Variants in OSBP2 observed in about 807,000 individuals in gnomAD.
OSBP2 encodes the protein oxysterol binding protein 2.
Under a neutral mutation model 96.0 loss-of-function variants are expected in OSBP2, and 66 were observed. The ratio of observed to expected loss-of-function variants is 0.69; its 90% CI spans 0.56 to 0.84. The LOEUF (loss-of-function observed/expected upper bound fraction) is 0.84. Ranked by LOEUF, OSBP2 falls within the 40% of genes least tolerant of loss-of-function variation. The pLI is 0.00. For synonymous variants in OSBP2, 525 were observed against 520.9 expected (o/e 1.01, Z -0.11); for missense variants, 1,038 against 1,222.7 (o/e 0.85, Z 2.25).
At chr22:30,771,315 G>A (rs915299698) in intron 2 of OSBP2, among the ~76,000 whole-genome samples, 1 of 152,218 alleles carries the variant, frequency 6.6e-6, no homozygotes, top group Non-Finnish European at 1.5e-5. Flanking sequence ...ATAGATTGTG[G>A]AAGAGAAACT....
intron 2 of OSBP2, among the ~76,000 whole-genome samples, chr22:30,742,604 C>A (rs2089954402): frequency 6.6e-6 from 1 of 152,116 alleles, no homozygotes; most frequent in Non-Finnish European, 1.5e-5. Flanking sequence ...GCATTCACTG[C>A]CTTCTTTATT....
At chr22:30,823,099 G>T (rs2038317822) in intron 2 of OSBP2, among the ~76,000 whole-genome samples, 1 of 152,204 alleles carries the variant, frequency 6.6e-6, no homozygotes, top group African/African-American at 2.4e-5. Flanking sequence ...CTGTAGAGTC[G>T]CTGATTTGCC....
At chr22:30,694,776 G>C, upstream of OSBP2, 1 of 598,546 alleles carries the variant, frequency 1.7e-6, no homozygotes, top group Non-Finnish European at 2.1e-6. Context: ...CGGGCACGGA[G>C]CGCACGGGAC....
chr22:30,735,047 G>C (rs2089829142), intron 1 of OSBP2, among the ~76,000 whole-genome samples: 1 of 152,116 alleles, frequency 6.6e-6, no homozygotes, highest in Non-Finnish European at 1.5e-5. Flanking sequence ...AAAAAAATTA[G>C]CTGGCATGGT....
At chr22:30,880,304 G>A (rs529607209) in intron 3 of OSBP2, among the ~76,000 whole-genome samples, 6 of 152,308 alleles carry the variant, frequency 3.9e-5, no homozygotes, top group Admixed American at 1.3e-4. Context: ...TCCTCCGGCC[G>A]CCCACCTGGG....
chr22:30,720,133 T>C (rs1332710440), intron 1 of OSBP2, among the ~76,000 whole-genome samples: 7 of 152,222 alleles, frequency 4.6e-5, no homozygotes, highest in Non-Finnish European at 1.0e-4. Context: ...TCCACATGGA[T>C]GTACTTTTCA....
At chr22:30,841,903 ACC>A (rs2038760328) in intron 2 of OSBP2, among the ~76,000 whole-genome samples, 1 of 152,100 alleles carries the variant, frequency 6.6e-6, no homozygotes, top group East Asian at 1.9e-4. Flanking sequence ...TTGGGATTGA[ACC>A]ACTGCATTCT....
chr22:30,843,454 C>CT (rs561425373), intron 2 of OSBP2, among the ~76,000 whole-genome samples: 1 of 103,964 alleles, frequency 9.6e-6, no homozygotes, highest in Admixed American at 8.2e-5. Context: ...TCCCCCCTCC[C>CT]CCTTGAGCAA....
chr22:30,799,790 G>A (rs947852088), intron 2 of OSBP2, among the ~76,000 whole-genome samples: 2 of 152,208 alleles, frequency 1.3e-5, no homozygotes, highest in African/African-American at 4.8e-5. Context: ...AAGCATTACT[G>A]TGGCAAGAAT....
At position 30,734,031 on chromosome 22, in the gene OSBP2, G is replaced by T. The variant is rs181926389; in HGVS notation, c.645-7130G>T. On this transcript the variant is annotated intron_variant, in intron 1 of 13. Coordinates refer to ENST00000332585, the MANE Select transcript of OSBP2 (RefSeq NM_030758.4). ...GCTCTGTCACCCAGGCTAGAGTGCAGTGGTGTGATCTCCATTCACTGCAAC... is the reference window on the plus strand; with the variant it reads ...GCTCTGTCACCCAGGCTAGAGTGCATTGGTGTGATCTCCATTCACTGCAAC... 3.9e-3 allele frequency among the ~76,000 whole-genome samples: 587 copies of T among 152,188 alleles called. 4 individuals are homozygous for T. The highest frequency in any genetic ancestry group is 0.013 in the African/African-American group (541 of 41,514).
chr22:30,728,345 A>C (rs1185647015), intron 1 of OSBP2, among the ~76,000 whole-genome samples: 2 of 150,990 alleles, frequency 1.3e-5, no homozygotes, highest in Non-Finnish European at 2.9e-5. Flanking sequence ...CAGTGAGCCA[A>C]GATCGCGCCA....
intron 2 of OSBP2, among the ~76,000 whole-genome samples, chr22:30,824,349 G>A (rs568010505): frequency 2.0e-5 from 3 of 152,164 alleles, no homozygotes; most frequent in Admixed American, 6.5e-5. Flanking sequence ...GCCCAGCGGC[G>A]AGTGCAGCAG....
chr22:30,710,319 A>T (rs569953362), intron 1 of OSBP2, among the ~76,000 whole-genome samples: 9 of 152,266 alleles, frequency 5.9e-5, no homozygotes, highest in African/African-American at 2.2e-4. Context: ...GTTTTCAAAA[A>T]TTTTCAAAAT....
intron 12 of OSBP2, among the ~76,000 whole-genome samples, chr22:30,903,032 C>T (rs1459479056): frequency 2.6e-5 from 4 of 152,204 alleles, no homozygotes; most frequent in Non-Finnish European, 4.4e-5. Context: ...CATTTTCCTT[C>T]TGTCCTTTTC....
chr22:30,769,115 G>A (rs546276526), intron 2 of OSBP2, among the ~76,000 whole-genome samples: 35 of 152,326 alleles, frequency 2.3e-4, no homozygotes, highest in African/African-American at 7.9e-4. Context: ...TAGAAAGCTG[G>A]GCTCTGAGGG....
rs960847910 is a variant in OSBP2 at position 30,881,885 on chromosome 22, AG to A, written c.1108-5539del. 2.8e-5 allele frequency: 34 copies of A among 1,215,926 alleles called. No homozygotes were observed. The African/African-American group carries it at 4.7e-4, about 17-fold the overall frequency. The allele number at this position is 1,215,926 out of a possible 1,614,324, so 75.3% of individuals were successfully genotyped here. On this transcript the variant is annotated intron_variant, in intron 3 of 13. Transcript: ENST00000332585. The surrounding 1 kb of genome is among the most constrained non-coding windows in gnomAD (Gnocchi z 4.5). Reference sequence around the variant, plus strand: ...GGCAGCTCATGTGCTGTGGGGGTAAAGGTCTTGGGTGCAGCCACATGAGGCC... The same window carrying A: ...GGCAGCTCATGTGCTGTGGGGGTAAAGTCTTGGGTGCAGCCACATGAGGCC...
chr22:30,745,807 A>G lies in OSBP2; in HGVS notation c.853+4438A>G, dbSNP rs1307151279. Among the ~76,000 whole-genome samples the G allele has an allele frequency of 3.3e-5, 5 of 152,160 alleles. No homozygotes were observed. In the East Asian group the frequency reaches 9.6e-4, roughly 29 times the overall value. On this transcript the variant is annotated intron_variant, in intron 2 of 13. Coordinates refer to ENST00000332585, the MANE Select transcript of OSBP2 (RefSeq NM_030758.4). ...TTGGTAAACCTTTAGCTAGACTAAG[A>G]AAAAAAGAGAAGACTCGAATTACTG...
chr22:30,858,892 A>AATC (rs895224736), intron 2 of OSBP2, among the ~76,000 whole-genome samples: 3 of 149,346 alleles, frequency 2.0e-5, no homozygotes, highest in African/African-American at 7.5e-5. Flanking sequence ...TAATAATAAT[A>AATC]ATAATAATAA....
intron 2 of OSBP2, among the ~76,000 whole-genome samples, chr22:30,835,825 C>T (rs1215891117): frequency 6.6e-6 from 1 of 151,576 alleles, no homozygotes; most frequent in Non-Finnish European, 1.5e-5. Flanking sequence ...TCAAGTGATC[C>T]TCCCACCTCA....
Sources: allele counts gnomAD v4.1 joint callset (sites outside exome capture counted in the v4.1 genomes callset), GRCh38; gene constraint gnomAD v4.1.1; non-coding constraint Gnocchi (gnomAD v3.1); transcripts MANE v1.5; gene names NCBI Gene and HGNC (gene_info 2026-07-23, HGNC 2026-07-21).